PCDH15: variants seen among roughly 807,000 people sequenced by gnomAD.
PCDH15 encodes the protein protocadherin-15.
A neutral mutation model predicts 178.5 loss-of-function variants in PCDH15; 129 were observed. That is an observed-to-expected ratio of 0.72 (90% CI 0.63 to 0.84). PCDH15 has a LOEUF of 0.84. PCDH15 is among the 40% of genes least tolerant of loss of function. The probability of loss-of-function intolerance (pLI) is 0.00; values close to 1 mark genes in which losing one functional copy is unlikely to be tolerated. For synonymous variants in PCDH15, 800 were observed against 732.0 expected (o/e 1.09, Z -1.50); for missense variants, 2,230 against 2,099.9 (o/e 1.06, Z -1.21).
intron 32 of PCDH15, chr10:53,822,539 A>AT: frequency 6.2e-7 from 1 of 1,613,750 alleles, no homozygotes; most frequent in Non-Finnish European, 8.5e-7. Context: ...TTTCAAAAAT[A>AT]TTTCTTTCGG....
At chr10:54,610,053 T>C (rs114284960) in intron 2 of PCDH15, among the ~76,000 whole-genome samples, 1,930 of 152,120 alleles carry the variant, frequency 0.013, 44 homozygotes, top group African/African-American at 0.044. Flanking sequence ...TTGTTAGTTG[T>C]TACCTTTAGG....
chr10:54,503,812 T>C (rs16906223), intron 3 of PCDH15, among the ~76,000 whole-genome samples: 14,402 of 152,116 alleles, frequency 0.095, 1,013 homozygotes, highest in African/African-American at 0.2. Context: ...CTTAAAGACC[T>C]GGAATGTCTG....
intron 1 of PCDH15, among the ~76,000 whole-genome samples, chr10:55,295,519 C>T (rs1277481998): frequency 3.3e-5 from 5 of 152,114 alleles, no homozygotes; most frequent in African/African-American, 1.2e-4. Context: ...CCCGTGCTCT[C>T]GCCTTCATAG....
chr10:54,146,171 T>C (rs1223982564), intron 14 of PCDH15, among the ~76,000 whole-genome samples: 1 of 152,072 alleles, frequency 6.6e-6, no homozygotes, highest in Non-Finnish European at 1.5e-5. Context: ...ACTTAGCATG[T>C]ACATTTGTCA....
chr10:54,221,873 G>T (rs1382607199), intron 9 of PCDH15, among the ~76,000 whole-genome samples: 1 of 152,200 alleles, frequency 6.6e-6, no homozygotes, highest in East Asian at 1.9e-4. Context: ...AATGTGCTGG[G>T]ATTACAGGCA....
At chr10:54,917,047 T>C (rs1383239085) in intron 2 of PCDH15, among the ~76,000 whole-genome samples, 1 of 152,126 alleles carries the variant, frequency 6.6e-6, no homozygotes, top group Non-Finnish European at 1.5e-5. Flanking sequence ...TTAGAAGACA[T>C]GCTGCAGATG....
At chr10:55,384,323 A>T (rs2132005363) in intron 2 of PCDH15, among the ~76,000 whole-genome samples, 1 of 152,294 alleles carries the variant, frequency 6.6e-6, no homozygotes, top group Non-Finnish European at 1.5e-5. Context: ...GTATTTTGGT[A>T]AATCAATGTT....
rs79167242 is a variant in PCDH15 at position 54,194,148 on chromosome 10, G to A, written c.1305+1535C>T. 5.6e-3 allele frequency among the ~76,000 whole-genome samples: 848 copies of A among 151,600 alleles called. 8 individuals carry two copies. The highest frequency in any genetic ancestry group is 0.017 in the African/African-American group (691 of 41,370). ...AATAAAGCATCTGGTGGGAAGAGGT[G>A]GAGTGCCAACAAGAATTGTCATAGC... On this transcript the variant is annotated intron_variant, in intron 11 of 37. Coordinates refer to ENST00000644397, the MANE Select transcript of PCDH15 (RefSeq NM_001384140.1).
chr10:54,353,968 C>A (rs902683497), intron 5 of PCDH15, among the ~76,000 whole-genome samples: 2 of 151,960 alleles, frequency 1.3e-5, no homozygotes, highest in Non-Finnish European at 2.9e-5. Flanking sequence ...TACATATGAG[C>A]TTATTTATTT....
At chr10:54,773,342 T>G (rs1949313382) in intron 1 of PCDH15, among the ~76,000 whole-genome samples, 1 of 152,188 alleles carries the variant, frequency 6.6e-6, no homozygotes, top group Non-Finnish European at 1.5e-5. Context: ...ATTCTCCTAA[T>G]ACGTCATTTT....
At chr10:54,937,357 A>T (rs1432375755) in intron 2 of PCDH15, among the ~76,000 whole-genome samples, 1 of 152,028 alleles carries the variant, frequency 6.6e-6, no homozygotes, top group South Asian at 2.1e-4. Context: ...CAAAAAAAGC[A>T]CTTTGATCAT....
intron 32 of PCDH15, chr10:53,821,863 G>T (rs1344121501): frequency 1.9e-6 from 3 of 1,612,794 alleles, no homozygotes; most frequent in Non-Finnish European, 2.5e-6. Context: ...CAACATTACA[G>T]TGAAGTAGAT....
At chr10:54,417,072 T>C (rs970459107) in intron 3 of PCDH15, among the ~76,000 whole-genome samples, 1 of 152,110 alleles carries the variant, frequency 6.6e-6, no homozygotes, top group Non-Finnish European at 1.5e-5. Flanking sequence ...TATGTTTTTG[T>C]AGAGATGGGG....
At chr10:54,533,528 AATTTCT>A (rs2084149435) in intron 2 of PCDH15, among the ~76,000 whole-genome samples, 1 of 152,226 alleles carries the variant, frequency 6.6e-6, no homozygotes, top group African/African-American at 2.4e-5. Flanking sequence ...AAATGTCTAT[AATTTCT>A]ATTAGAATTC....
intron 26 of PCDH15, among the ~76,000 whole-genome samples, chr10:53,884,027 A>AC (rs541988502): frequency 9.1e-4 from 138 of 151,604 alleles, no homozygotes; most frequent in Admixed American, 4.0e-3. Context: ...GTTTTTGTAA[A>AC]AAAACAAAAC....
intron 2 of PCDH15, among the ~76,000 whole-genome samples, chr10:55,610,153 C>T (rs1460972489): frequency 3.3e-5 from 5 of 152,038 alleles, no homozygotes; most frequent in Non-Finnish European, 1.5e-5. Flanking sequence ...GAAGAAGTTG[C>T]AAACTCTAAA....
intron 3 of PCDH15, among the ~76,000 whole-genome samples, chr10:54,414,260 T>C (rs1953989922): frequency 6.6e-6 from 1 of 152,096 alleles, no homozygotes; most frequent in South Asian, 2.1e-4. Context: ...ATGAGAAGAT[T>C]GAATATTACA....
In PCDH15 at chr10:54,179,819, G is replaced by GAA; in HGVS notation, c.1590+3624_1590+3625insTT. ...AGAATGCTAATAGTCAATTATCATT[G>GAA]AGAATCACAGTTTAAGAGAATTGCA... On this transcript the variant is annotated intron_variant, in intron 13 of 37. Transcript: ENST00000644397. Among the ~76,000 whole-genome samples the GAA allele has an allele frequency of 2.0e-5, 3 of 152,248 alleles. No homozygotes were observed. In the Middle Eastern group the frequency reaches 0.01, roughly 518 times the overall value.
At position 54,117,145 on chromosome 10, in the gene PCDH15, A is replaced by G. The variant is rs372108742; in HGVS notation, c.1917+15730T>C. On this transcript the variant is annotated intron_variant, in intron 15 of 37. Transcript: ENST00000644397. ...TTTGTGCTACTGGCCCAGATCCCAC[A>G]TCTGCCAAGTGTGAGCCAAAAGCAG... 2.8e-4 allele frequency among the ~76,000 whole-genome samples: 42 copies of G among 152,206 alleles called. No homozygotes were observed. The East Asian group carries it at 7.6e-3, about 27-fold the overall frequency.
Sources: allele counts gnomAD v4.1 joint callset (sites outside exome capture counted in the v4.1 genomes callset), GRCh38; gene constraint gnomAD v4.1.1; transcripts MANE v1.5; gene names NCBI Gene and HGNC (gene_info 2026-07-23, HGNC 2026-07-21).